The following ITPRID1 variants were observed in gnomAD, a reference collection of about 807,000 sequenced individuals.
The protein encoded by ITPRID1 is protein ITPRID1.
In ITPRID1, 96 loss-of-function variants were observed where a neutral mutation model predicts 95.4. That is an observed-to-expected ratio of 1.01 (90% confidence interval 0.85 to 1.19). ITPRID1 has a LOEUF of 1.19. Among genes scored for constraint, ITPRID1 ranks in the 50% most tolerant of loss-of-function variants. The pLI, the probability that ITPRID1 is intolerant of heterozygous loss-of-function variation, is 0.00. For missense variants in ITPRID1, 1,339 were observed against 1,252.9 expected (o/e 1.07, Z -1.04); for synonymous variants, 510 against 453.6 (o/e 1.12, Z -1.58).
At chr7:31,604,596 A>G (rs1454785903) in intron 10 of ITPRID1, among the ~76,000 whole-genome samples, 1 of 152,230 alleles carries the variant, frequency 6.6e-6, no homozygotes, top group African/African-American at 2.4e-5. Context: ...TGATTTAACT[A>G]GGGGTTGTGT....
intron 10 of ITPRID1, among the ~76,000 whole-genome samples, chr7:31,586,922 A>G (rs928481171): frequency 3.7e-4 from 56 of 152,182 alleles, no homozygotes; most frequent in African/African-American, 1.3e-3. Context: ...GCCCATGCCT[A>G]TGTCCTGAAT....
At chr7:31,624,149 A>G (rs1028882380) in intron 10 of ITPRID1, among the ~76,000 whole-genome samples, 3 of 151,010 alleles carry the variant, frequency 2.0e-5, no homozygotes, top group African/African-American at 7.3e-5. Flanking sequence ...AGAACATTCC[A>G]TGCTCATGGG....
At position 31,549,476 on chromosome 7, in the gene ITPRID1, A is replaced by G; in HGVS notation, c.-47A>G. The G allele has an allele frequency of 2.6e-6, 4 of 1,524,774 alleles. No individual in the cohort carries two copies. The highest frequency in any genetic ancestry group is 3.5e-6 in the Non-Finnish European group (4 of 1,142,422). The allele number at this position is 1,524,774 out of a possible 1,614,324, so 94.5% of individuals were successfully genotyped here. A position where few individuals can be genotyped will look rare whatever the true frequency, so the allele number is the denominator to read the frequency against. On this transcript the variant is annotated 5_prime_UTR_variant, in exon 2 of 15. Transcript: ENST00000615280. ...CAACACACAGAAGAGAAGGAAAAAG[A>G]AAGAAAACTGACCAATATGAGTGGT... is the stretch of plus-strand genomic sequence containing the variant.
rs1309454160 is a variant in ITPRID1 at position 31,652,811 on chromosome 7, T to A, written c.3117T>A (p.Asp1039Glu). ...PLSNCPVGEKDADVFL is the reference protein window; with the variant it reads ...PLSNCPVGEKEADVFL ...CAAATTGTCCTGTTGGAGAAAAGGA[T>A]GCAGATGTCTTCCTCTAGATCAGAG... Residue 1039 changes from aspartate to glutamate, a missense_variant, in exon 15 of 15, where the codon GAT becomes GAA. Coordinates refer to ENST00000615280, the MANE Select transcript of ITPRID1 (RefSeq NM_001257967.3). The A allele has an allele frequency of 6.2e-7, 1 of 1,612,896 alleles. No homozygotes were observed. The highest frequency in any genetic ancestry group is 8.5e-7 in the Non-Finnish European group (1 of 1,179,064).
intron 1 of ITPRID1, among the ~76,000 whole-genome samples, chr7:31,541,302 G>A (rs1016670030): frequency 6.6e-6 from 1 of 152,128 alleles, no homozygotes; most frequent in Non-Finnish European, 1.5e-5. Flanking sequence ...GAACATTCTA[G>A]CTCTTCAATA....
At chr7:31,556,072 A>T (rs1264880685) in intron 5 of ITPRID1, among the ~76,000 whole-genome samples, 1 of 152,120 alleles carries the variant, frequency 6.6e-6, no homozygotes, top group East Asian at 1.9e-4. Flanking sequence ...GGTTGTGGTG[A>T]GAGGCCTGGC....
At chr7:31,559,030 A>C (rs1784541993) in intron 5 of ITPRID1, among the ~76,000 whole-genome samples, 1 of 152,164 alleles carries the variant, frequency 6.6e-6, no homozygotes, top group Admixed American at 6.5e-5. Flanking sequence ...TATAACTAAA[A>C]TTTGCCTCAA....
At position 31,574,730 on chromosome 7, in the gene ITPRID1, C is replaced by T. The variant is rs1785117794; in HGVS notation, c.586C>T (p.Pro196Ser). ...AQKQRMDIEN[P>S]NLYGRFRQLE... ...AAAGCAGCGAATGGACATTGAGAAC[C>T]CCAACTTGTACGGTAAGCGAGGTGC... The change falls in exon 8 of 15, where the codon CCC (proline) becomes TCC (serine). Residue 196 changes from proline (P) to serine (S), a missense_variant. Pro to Ser is a moderately conservative substitution (Grantham distance 74). Transcript: ENST00000615280. 6.2e-7 allele frequency: 1 copy of T among 1,613,708 alleles called. No homozygotes were observed. Among genetic ancestry groups the T allele is most frequent in the South Asian group, 1.1e-5 (1 of 91,060 alleles).
intron 10 of ITPRID1, among the ~76,000 whole-genome samples, chr7:31,624,793 G>A (rs988658996): frequency 2.0e-5 from 3 of 152,034 alleles, no homozygotes; most frequent in African/African-American, 7.2e-5. Flanking sequence ...AAACTAAAGA[G>A]CTTCTGCACA....
chr7:31,520,766 G>A (rs1474969765), intron 1 of ITPRID1, among the ~76,000 whole-genome samples: 1 of 151,988 alleles, frequency 6.6e-6, no homozygotes, highest in African/African-American at 2.4e-5. Flanking sequence ...ATATATGTGT[G>A]TATGCTAATC....
intron 12 of ITPRID1, among the ~76,000 whole-genome samples, chr7:31,647,065 C>A (rs1790531278): frequency 6.6e-6 from 1 of 152,238 alleles, no homozygotes; most frequent in Admixed American, 6.5e-5. Context: ...TACTCCTATG[C>A]AGGCATACAT....
At chr7:31,627,527 G>A (rs1788575922) in intron 10 of ITPRID1, among the ~76,000 whole-genome samples, 1 of 151,990 alleles carries the variant, frequency 6.6e-6, no homozygotes, top group South Asian at 2.1e-4. Flanking sequence ...ATGGGATGGT[G>A]CACACCTGTA....
At chr7:31,651,109 A>T in intron 12 of ITPRID1, 33 bp from the exon 13 acceptor site, 1 of 1,602,894 alleles carries the variant, frequency 6.2e-7, no homozygotes, top group Non-Finnish European at 8.5e-7. Flanking sequence ...ATCAGAGAGG[A>T]CTTTCTTCTC....
At chr7:31,650,939 G>A in intron 12 of ITPRID1, among the ~76,000 whole-genome samples, 1 of 152,100 alleles carries the variant, frequency 6.6e-6, no homozygotes, top group Non-Finnish European at 1.5e-5. Context: ...AACAACAGCT[G>A]CCCTTCTGTT....
chr7:31,514,696 T>C (rs1583445920), intron 1 of ITPRID1, among the ~76,000 whole-genome samples: 1 of 152,198 alleles, frequency 6.6e-6, no homozygotes, highest in East Asian at 1.9e-4. Flanking sequence ...CAAGTCAGAA[T>C]AGTATGTTGG....
At position 31,620,680 on chromosome 7, in the gene ITPRID1, G is replaced by A. The variant is rs1307762945; in HGVS notation, c.1229-21496G>A. Reference sequence around the variant, plus strand: ...GGGGAAAAAACAGAACAGAAAAACTGGAAACTCTAAAAAGCAGAGCACCTC... The same window carrying A: ...GGGGAAAAAACAGAACAGAAAAACTAGAAACTCTAAAAAGCAGAGCACCTC... On this transcript the variant is annotated intron_variant, in intron 10 of 14. Transcript: ENST00000615280. Among the ~76,000 whole-genome samples the A allele has an allele frequency of 4.0e-5, 6 of 151,508 alleles. 1 individual carries two copies. Among genetic ancestry groups the A allele is most frequent in the African/African-American group, 9.7e-5 (4 of 41,172 alleles).
At chr7:31,658,609 T>A, downstream of ITPRID1, 1 of 290,412 alleles carries the variant, frequency 3.4e-6, no homozygotes, top group Non-Finnish European at 6.2e-6. Flanking sequence ...TGTAGGTTAT[T>A]AAAAGCCTTG....
rs72374972 is a variant in ITPRID1 at position 31,519,578 on chromosome 7, ATCTCTCTCTCTCTC to A, written c.-98+5488_-98+5501del. Among the ~76,000 whole-genome samples the A allele has an allele frequency of 8.5e-4, 32 of 37,472 alleles. 1 individual carries two copies. The highest frequency in any genetic ancestry group is 2.5e-3 in the African/African-American group (30 of 12,210). The allele number at this position is 37,472 out of a possible 152,430, so 24.6% of individuals were successfully genotyped here. On this transcript the variant is annotated intron_variant, in intron 1 of 14. Coordinates refer to ENST00000615280, the MANE Select transcript of ITPRID1 (RefSeq NM_001257967.3). ...ATGCATATATGGTTCTATTTCTGGT[ATCTCTCTCTCTCTC>A]TCTCTCTCTCTCTCTCTCTCTCTCT... is the stretch of plus-strand genomic sequence containing the variant.
rs561095643 is a variant in ITPRID1 at position 31,654,814 on chromosome 7, G to C, written c.*1985G>C. Reference sequence around the variant, plus strand: ...CAAAGGAGAGGTCACTTCTTAGCAAGTAACCTCAGAAACTAATTCTATTGA... The same window carrying C: ...CAAAGGAGAGGTCACTTCTTAGCAACTAACCTCAGAAACTAATTCTATTGA... On this transcript the variant is annotated 3_prime_UTR_variant, in exon 15 of 15. Coordinates refer to ENST00000615280, the MANE Select transcript of ITPRID1 (RefSeq NM_001257967.3). 8.5e-5 allele frequency among the ~76,000 whole-genome samples: 13 copies of C among 152,172 alleles called. No individual in the cohort carries two copies. The highest frequency in any genetic ancestry group is 1.8e-4 in the Non-Finnish European group (12 of 68,022).
Sources: gnomAD v4.1 joint callset for allele counts (sites outside exome capture counted in the v4.1 genomes callset) on GRCh38, gnomAD v4.1.1 for gene constraint, MANE v1.5 for transcripts, NCBI Gene and HGNC (gene_info 2026-07-23, HGNC 2026-07-21) for gene names.